Variants in CA10 observed in about 807,000 individuals in gnomAD.
CA10 encodes the protein carbonic anhydrase-related protein 10.
CA10 carries 14 observed loss-of-function variants against 44.2 expected under a neutral mutation model. The observed-to-expected ratio is 0.32, with a 90% confidence interval of 0.21 to 0.50. The LOEUF is 0.50. Ranked by LOEUF, CA10 falls within the 20% of genes least tolerant of loss-of-function variation. The pLI is 0.99. For synonymous variants in CA10, 159 were observed against 141.6 expected (o/e 1.12, Z -0.87); for missense variants, 350 against 409.7 (o/e 0.85, Z 1.26).
At chr17:51,984,404 G>A (rs1218858838) in intron 2 of CA10, among the ~76,000 whole-genome samples, 2 of 151,652 alleles carry the variant, frequency 1.3e-5, no homozygotes, top group African/African-American at 4.8e-5. Flanking sequence ...CATTGAAAAG[G>A]CTGAAAGAGC....
chr17:51,863,260 T>C (rs1446289207), intron 3 of CA10, among the ~76,000 whole-genome samples: 1 of 152,224 alleles, frequency 6.6e-6, no homozygotes, highest in Non-Finnish European at 1.5e-5. Flanking sequence ...ATCTGGAAGT[T>C]ATTCCATACG....
At chr17:52,004,245 C>G (rs1017173255) in intron 2 of CA10, among the ~76,000 whole-genome samples, 3 of 151,860 alleles carry the variant, frequency 2.0e-5, no homozygotes, top group African/African-American at 7.2e-5. Flanking sequence ...CCTATGTTAC[C>G]CTTTAGCAGT....
At chr17:51,842,243 AT>A in intron 3 of CA10, among the ~76,000 whole-genome samples, 1 of 152,184 alleles carries the variant, frequency 6.6e-6, no homozygotes, top group South Asian at 2.1e-4. Flanking sequence ...TATAACACTT[AT>A]TTTTTTTAAA....
chr17:52,071,031 A>G (rs879726728), intron 2 of CA10, among the ~76,000 whole-genome samples: 1 of 152,218 alleles, frequency 6.6e-6, no homozygotes, highest in Admixed American at 6.5e-5. Context: ...CTAGGAAAAA[A>G]GTATGTAAAC....
intron 3 of CA10, among the ~76,000 whole-genome samples, chr17:51,750,944 C>T (rs1598026458): frequency 6.6e-6 from 1 of 152,166 alleles, no homozygotes; most frequent in African/African-American, 2.4e-5. Flanking sequence ...TTTCCCAGTA[C>T]TTGGGAAACA....
chr17:51,997,456 T>C (rs368609554), intron 2 of CA10, among the ~76,000 whole-genome samples: 16 of 152,214 alleles, frequency 1.1e-4, no homozygotes, highest in African/African-American at 3.1e-4. Flanking sequence ...GTTTGGTCCA[T>C]GGATAATCAA....
intron 2 of CA10, among the ~76,000 whole-genome samples, chr17:52,017,867 G>C (rs1986017622): frequency 6.6e-6 from 1 of 152,084 alleles, no homozygotes; most frequent in African/African-American, 2.4e-5. Context: ...CCCACCACAG[G>C]CCCAGAGGCT....
chr17:51,791,297 C>T (rs971582316), intron 3 of CA10, among the ~76,000 whole-genome samples: 1 of 152,140 alleles, frequency 6.6e-6, no homozygotes, highest in Non-Finnish European at 1.5e-5. Context: ...TTTTAAATTT[C>T]TATTCAAAAC....
intron 4 of CA10, among the ~76,000 whole-genome samples, chr17:51,734,635 T>C (rs1397632089): frequency 6.6e-6 from 1 of 152,122 alleles, no homozygotes; most frequent in Non-Finnish European, 1.5e-5. Context: ...AATAATAAAC[T>C]GCCATCTGGG....
chr17:52,134,597 T>C (rs1989309969), intron 1 of CA10, among the ~76,000 whole-genome samples: 2 of 152,194 alleles, frequency 1.3e-5, no homozygotes, highest in African/African-American at 4.8e-5. Flanking sequence ...CAATATTAGT[T>C]AAAAATAATA....
intron 3 of CA10, among the ~76,000 whole-genome samples, chr17:51,784,238 T>C (rs184939484): frequency 4.0e-3 from 606 of 152,190 alleles, no homozygotes; most frequent in Non-Finnish European, 6.8e-3. Flanking sequence ...CCCATGTATG[T>C]GGAGGTGACA....
chr17:51,925,077 T>C lies in CA10; in HGVS notation c.279+5913A>G, dbSNP rs575754953. ...CTTTCTCTGTCTCTCTTTTTAAAGA[T>C]GGGGTCTTATTATGTTGCTCAGGCT... On this transcript the variant is annotated intron_variant, in intron 3 of 8. Coordinates refer to ENST00000451037, the MANE Select transcript of CA10 (RefSeq NM_020178.5). Among the ~76,000 whole-genome samples, 5 of 152,218 alleles carry C rather than the reference T, an allele frequency of 3.3e-5. No homozygotes were observed. The South Asian group carries it at 6.2e-4, about 19-fold the overall frequency.
At chr17:51,827,071 A>G (rs1908036030) in intron 3 of CA10, among the ~76,000 whole-genome samples, 1 of 152,086 alleles carries the variant, frequency 6.6e-6, no homozygotes, top group Non-Finnish European at 1.5e-5. Flanking sequence ...TTCCTAGCAA[A>G]CCTGGACCCA....
intron 6 of CA10, among the ~76,000 whole-genome samples, chr17:51,637,975 T>C (rs754096823): frequency 3.9e-5 from 6 of 152,340 alleles, no homozygotes; most frequent in Admixed American, 2.0e-4. Context: ...ATAAGTAGGC[T>C]ATAATGTCAC....
intron 3 of CA10, among the ~76,000 whole-genome samples, chr17:51,900,105 G>T (rs771572569): frequency 1.2e-4 from 18 of 152,004 alleles, no homozygotes; most frequent in Non-Finnish European, 2.2e-4. Flanking sequence ...AGACTTGATT[G>T]TATAGTGGCT....
At chr17:52,053,998 A>T (rs1013408324) in intron 2 of CA10, among the ~76,000 whole-genome samples, 6 of 152,084 alleles carry the variant, frequency 3.9e-5, no homozygotes, top group African/African-American at 1.2e-4. Flanking sequence ...TAACTGCACA[A>T]ATTGTTTGTA....
chr17:51,711,145 A>G (rs893126869), intron 4 of CA10, among the ~76,000 whole-genome samples: 2 of 152,152 alleles, frequency 1.3e-5, no homozygotes, highest in African/African-American at 4.8e-5. Flanking sequence ...TTATCCAACA[A>G]GCTCAACATC....
chr17:51,916,619 T>G, intron 3 of CA10, among the ~76,000 whole-genome samples: 1 of 152,298 alleles, frequency 6.6e-6, no homozygotes, highest in Middle Eastern at 3.4e-3. Context: ...TCCCCAGCCA[T>G]GTGGAACTGT....
chr17:51,982,172 T>C (rs550039624), intron 2 of CA10, among the ~76,000 whole-genome samples: 1 of 152,024 alleles, frequency 6.6e-6, no homozygotes, highest in Admixed American at 6.6e-5. Context: ...GGAGAAATTA[T>C]GCATAAATAA....
Sources: allele counts gnomAD v4.1 joint callset (sites outside exome capture counted in the v4.1 genomes callset), GRCh38; gene constraint gnomAD v4.1.1; transcripts MANE v1.5; gene names NCBI Gene and HGNC (gene_info 2026-07-23, HGNC 2026-07-21).